Variants in ILRUN observed in about 807,000 individuals in gnomAD.
The protein encoded by ILRUN is protein ILRUN.
In ILRUN, 3 loss-of-function variants were observed where a neutral mutation model predicts 33.8. The ratio of observed to expected loss-of-function variants is 0.09; its 90% confidence interval spans 0.04 to 0.23. The LOEUF (loss-of-function observed/expected upper bound fraction) is 0.23. ILRUN is among the 10% of genes least tolerant of loss of function. The pLI, the probability that ILRUN is intolerant of heterozygous loss-of-function variation, is 1.00. For missense variants in ILRUN, 210 were observed against 375.1 expected (o/e 0.56, Z 3.64); for synonymous variants, 124 against 138.9 (o/e 0.89, Z 0.75).
intron 2 of ILRUN, among the ~76,000 whole-genome samples, chr6:34,649,674 T>G (rs1762623897): frequency 6.6e-6 from 1 of 152,158 alleles, no homozygotes; most frequent in Non-Finnish European, 1.5e-5. Context: ...CTGGAGACAG[T>G]AAGGAATATC....
At chr6:34,613,278 G>A (rs2814981) in intron 3 of ILRUN, among the ~76,000 whole-genome samples, 67,199 of 151,936 alleles carry the variant, frequency 0.44, 16,861 homozygotes, top group African/African-American at 0.69. Context: ...CAAATTTTTA[G>A]AATAAGTGTA....
chr6:34,650,507 T>C (rs548330692), intron 2 of ILRUN, among the ~76,000 whole-genome samples: 1 of 152,110 alleles, frequency 6.6e-6, no homozygotes, highest in South Asian at 2.1e-4. Context: ...CTCAGCTCAC[T>C]GCAACCTCCA....
At chr6:34,601,566 C>G (rs1427297505) in intron 4 of ILRUN, among the ~76,000 whole-genome samples, 2 of 152,184 alleles carry the variant, frequency 1.3e-5, no homozygotes, top group African/African-American at 2.4e-5. Flanking sequence ...CCCAATTCCA[C>G]AAAGTCACCC....
chr6:34,688,792 G>GACA (rs139636955), intron 1 of ILRUN, among the ~76,000 whole-genome samples: 467 of 151,344 alleles, frequency 3.1e-3, no homozygotes, highest in Non-Finnish European at 4.6e-3. Context: ...CAGCCTGGGC[G>GACA]ACAACAACAA....
At position 34,619,991 on chromosome 6, in the gene ILRUN, A is replaced by G. The variant is rs549110355; in HGVS notation, c.512-13087T>C. Among the ~76,000 whole-genome samples, 40 of 151,590 alleles carry G rather than the reference A, an allele frequency of 2.6e-4. No individual in the cohort carries two copies. In the East Asian group the frequency reaches 7.5e-3, roughly 29 times the overall value. On this transcript the variant is annotated intron_variant, in intron 3 of 4. Coordinates refer to ENST00000374023, the MANE Select transcript of ILRUN (RefSeq NM_024294.4). ...CAGAGCAAGACTCTGTCTCCAAAAA[A>G]AAAAAAAAAAAAGCTAAGATGCAGA...
chr6:34,622,504 T>C (rs1336167446), intron 3 of ILRUN, among the ~76,000 whole-genome samples: 1 of 151,142 alleles, frequency 6.6e-6, no homozygotes, highest in African/African-American at 2.4e-5. Context: ...CAAACCACAA[T>C]GAGATACCAC....
intron 2 of ILRUN, among the ~76,000 whole-genome samples, chr6:34,652,761 T>C (rs75411279): frequency 1.3e-5 from 2 of 152,270 alleles, no homozygotes; most frequent in East Asian, 3.9e-4. Context: ...AAGTTCTCAT[T>C]AATAATAAGA....
At chr6:34,608,330 C>G (rs560856359) in intron 3 of ILRUN, among the ~76,000 whole-genome samples, 128 of 151,520 alleles carry the variant, frequency 8.4e-4, no homozygotes, top group Non-Finnish European at 1.5e-3. Context: ...GGAGGTGGAG[C>G]CGAGATTGTG....
intron 1 of ILRUN, among the ~76,000 whole-genome samples, chr6:34,690,765 T>C (rs994652851): frequency 8.6e-6 from 1 of 116,916 alleles, no homozygotes; most frequent in Admixed American, 1.0e-4. Flanking sequence ...CGAAAAAGGC[T>C]TAAATTGTAG....
At chr6:34,612,835 G>A (rs766801589) in intron 3 of ILRUN, among the ~76,000 whole-genome samples, 34 of 152,284 alleles carry the variant, frequency 2.2e-4, no homozygotes, top group South Asian at 6.2e-4. Flanking sequence ...GAGGTCAGGA[G>A]ATCAAGACCA....
Position 34,587,805 on chromosome 6 carries a change from C to T in ILRUN, c.*2760G>A. On this transcript the variant is annotated 3_prime_UTR_variant, in exon 5 of 5. Transcript: ENST00000374023. Reference sequence around the variant, plus strand: ...ATGCACACGTGCACATCCATCCACACACACACACCTCACTCCATGCACACT... The same window carrying T: ...ATGCACACGTGCACATCCATCCACATACACACACCTCACTCCATGCACACT... 1 of 374,838 alleles carries T rather than the reference C, an allele frequency of 2.7e-6. No homozygotes were observed. The highest frequency in any genetic ancestry group is 4.7e-6 in the Non-Finnish European group (1 of 210,832). The allele number at this position is 374,838 out of a possible 1,614,324, so 23.2% of individuals were successfully genotyped here. A position where few individuals can be genotyped will look rare whatever the true frequency, so the allele number is the denominator to read the frequency against.
intron 1 of ILRUN, among the ~76,000 whole-genome samples, chr6:34,684,511 T>C (rs1763473732): frequency 6.6e-6 from 1 of 152,158 alleles, no homozygotes; most frequent in Non-Finnish European, 1.5e-5. Flanking sequence ...CTTCAACAAA[T>C]GTTTACTGAG....
chr6:34,624,588 C>G (rs1419452080), intron 3 of ILRUN, among the ~76,000 whole-genome samples: 1 of 152,078 alleles, frequency 6.6e-6, no homozygotes, highest in Non-Finnish European at 1.5e-5. Context: ...CCTGCCTGGG[C>G]CTCCCAAAGT....
chr6:34,590,631 TA>T, intron 4 of ILRUN, 31 bp from the exon 5 acceptor site: 1 of 1,494,574 alleles, frequency 6.7e-7, no homozygotes, highest in South Asian at 1.1e-5. Context: ...TCAGTGATGG[TA>T]CACATAGCAG....
chr6:34,656,235 CAAAAAAA>C lies in ILRUN; in HGVS notation c.159-1463_159-1457del, dbSNP rs562655955. Among the ~76,000 whole-genome samples, 3 of 61,832 alleles carry C rather than the reference CAAAAAAA, an allele frequency of 4.9e-5. No individual in the cohort carries two copies. In the South Asian group the frequency reaches 1.6e-3, roughly 33 times the overall value. 40.6% of individuals were successfully genotyped at this position (61,832 alleles called of 152,430 possible). On this transcript the variant is annotated intron_variant, in intron 1 of 4. Coordinates refer to ENST00000374023, the MANE Select transcript of ILRUN (RefSeq NM_024294.4). ...CAGGCAACAGTGCCAGACTCCGTCT[CAAAAAAA>C]AAAAAAAAAAAAAGAGCCATTTGTA...
chr6:34,606,493 G>C, intron 4 of ILRUN, 62 bp downstream of exon 4: 2 of 1,363,570 alleles, frequency 1.5e-6, no homozygotes, highest in Non-Finnish European at 2.0e-6. Flanking sequence ...GGTTTGCCAT[G>C]AAGGGGTATC....
intron 1 of ILRUN, among the ~76,000 whole-genome samples, chr6:34,672,614 T>A (rs1055680466): frequency 6.6e-6 from 1 of 151,810 alleles, no homozygotes; most frequent in Non-Finnish European, 1.5e-5. Flanking sequence ...TGGTAAAGCA[T>A]CAAATATGAA....
At chr6:34,641,165 C>T (rs1762469136) in intron 3 of ILRUN, among the ~76,000 whole-genome samples, 1 of 149,290 alleles carries the variant, frequency 6.7e-6, no homozygotes, top group African/African-American at 2.5e-5. Flanking sequence ...GTTGTTAAAA[C>T]AGAAAGATGA....
intron 4 of ILRUN, among the ~76,000 whole-genome samples, chr6:34,601,665 G>A (rs1353843840): frequency 6.6e-6 from 1 of 151,506 alleles, no homozygotes; most frequent in Non-Finnish European, 1.5e-5. Context: ...CAGGCCCATA[G>A]AACAAAAGAT....
Sources: allele counts gnomAD v4.1 joint callset (sites outside exome capture counted in the v4.1 genomes callset), GRCh38; gene constraint gnomAD v4.1.1; transcripts MANE v1.5; gene names NCBI Gene and HGNC (gene_info 2026-07-23, HGNC 2026-07-21).